The following SEM1 variants were observed in gnomAD, a reference collection of about 807,000 sequenced individuals.
SEM1 encodes the protein 26S proteasome complex subunit SEM1.
Under a neutral mutation model 12.7 loss-of-function variants are expected in SEM1, and 3 were observed. That is an observed-to-expected ratio of 0.24 (90% CI 0.11 to 0.61). The LOEUF is 0.61. Among genes scored for constraint, SEM1 ranks in the 20% least tolerant of loss-of-function variants. The probability of loss-of-function intolerance (pLI) is 0.88; values close to 1 mark genes in which losing one functional copy is unlikely to be tolerated. For missense variants in SEM1, 59 were observed against 81.3 expected, an observed-to-expected ratio of 0.73 and a Z score of 1.06; for synonymous variants, 30 against 27.8, an observed-to-expected ratio of 1.08 and a Z score of -0.25.
chr7:96,627,375 TTTC>T (rs1808105574), intron 2 of SEM1, among the ~76,000 whole-genome samples: 2 of 152,082 alleles, frequency 1.3e-5, no homozygotes, highest in South Asian at 2.1e-4. Context: ...ATTTGAAGTT[TTTC>T]TTCTTCTTTG....
chr7:96,582,123 C>T (rs1357922166), intron 2 of SEM1, among the ~76,000 whole-genome samples: 11 of 150,478 alleles, frequency 7.3e-5, no homozygotes, highest in Non-Finnish European at 1.2e-4. Flanking sequence ...ATAGATAGCT[C>T]TTATTATTTT....
chr7:96,695,817 C>T (rs1790077456), intron 1 of SEM1: 2 of 151,804 alleles, frequency 1.3e-5, no homozygotes, highest in South Asian at 2.1e-4. Context: ...TTAAGTAGGT[C>T]GCTTCCATCT....
chr7:96,490,040 G>C (rs181192348), intron 1 of SEM1, among the ~76,000 whole-genome samples: 7 of 152,144 alleles, frequency 4.6e-5, no homozygotes, highest in African/African-American at 1.7e-4. Context: ...ACGGAACCCT[G>C]ACTTGACTAT....
At chr7:96,524,051 C>T (rs1270500989) in intron 2 of SEM1, among the ~76,000 whole-genome samples, 2 of 152,192 alleles carry the variant, frequency 1.3e-5, no homozygotes, top group Non-Finnish European at 2.9e-5. Context: ...TCTGGTTAGC[C>T]TATTAAACAG....
chr7:96,542,823 C>T (rs936995200), intron 2 of SEM1, among the ~76,000 whole-genome samples: 1 of 151,662 alleles, frequency 6.6e-6, no homozygotes, highest in Non-Finnish European at 1.5e-5. Flanking sequence ...TTCATAAACT[C>T]AAATATCCTT....
rs779758907 is a variant in SEM1 at position 96,613,555 on chromosome 7, C to T, written c.170+81243G>A. On this transcript the variant is annotated intron_variant and NMD_transcript_variant, in intron 2 of 3. Transcript: ENST00000466986. ...CATTTCTTTGTGGTAATACTATTTACAATCCTTGCTTTTAGCTATTTTAAA... is the reference window on the plus strand; with the variant it reads ...CATTTCTTTGTGGTAATACTATTTATAATCCTTGCTTTTAGCTATTTTAAA... Among the ~76,000 whole-genome samples, 16 of 152,218 alleles carry T rather than the reference C, an allele frequency of 1.1e-4. No individual in the cohort carries two copies. The South Asian group carries it at 1.9e-3, about 18-fold the overall frequency.
At chr7:96,673,983 A>G (rs1789389136) in intron 2 of SEM1, 3 of 634,710 alleles carry the variant, frequency 4.7e-6, no homozygotes, top group Non-Finnish European at 8.6e-6. Flanking sequence ...CCCCAGTCCC[A>G]TCCCCATCTC....
At chr7:96,617,050 G>A (rs905096841) in intron 2 of SEM1, among the ~76,000 whole-genome samples, 17 of 151,944 alleles carry the variant, frequency 1.1e-4, no homozygotes, top group Admixed American at 9.8e-4. Flanking sequence ...GGTTTCATAC[G>A]AATTTCAGGA....
At chr7:96,634,093 T>C (rs1808354550) in intron 2 of SEM1, among the ~76,000 whole-genome samples, 1 of 152,052 alleles carries the variant, frequency 6.6e-6, no homozygotes, top group Non-Finnish European at 1.5e-5. Context: ...AAATATAAAC[T>C]AGCTGACTTA....
chr7:96,517,268 T>A lies in SEM1; in HGVS notation c.171-10570A>T, dbSNP rs1011566945. On this transcript the variant is annotated intron_variant and NMD_transcript_variant, in intron 2 of 3. Transcript: ENST00000466986. ...GTGTAGATTCATCAGTTGTAACAAA[T>A]GTACCATTCTGGTGGGAGGATATTG... Among the ~76,000 whole-genome samples the A allele has an allele frequency of 2.6e-5, 4 of 151,760 alleles. No individual in the cohort carries two copies. The East Asian group carries it at 5.8e-4, about 22-fold the overall frequency.
intron 2 of SEM1, among the ~76,000 whole-genome samples, chr7:96,642,944 T>G (rs1808659827): frequency 6.6e-6 from 1 of 152,102 alleles, no homozygotes; most frequent in South Asian, 2.1e-4. Context: ...TTTTTTCATT[T>G]TTTAAAATTT....
intron 2 of SEM1, among the ~76,000 whole-genome samples, chr7:96,538,789 T>C (rs991012853): frequency 6.6e-6 from 1 of 151,786 alleles, no homozygotes; most frequent in Non-Finnish European, 1.5e-5. Flanking sequence ...TAGAGGAGAC[T>C]GGAATGGGAG....
chr7:96,657,072 T>C (rs1754498938), intron 2 of SEM1, among the ~76,000 whole-genome samples: 1 of 152,082 alleles, frequency 6.6e-6, no homozygotes, highest in Non-Finnish European at 1.5e-5. Flanking sequence ...AGACATAAAA[T>C]TTAAGTGGCA....
chr7:96,489,345 C>A (rs973607313), intron 1 of SEM1, among the ~76,000 whole-genome samples: 11 of 152,122 alleles, frequency 7.2e-5, no homozygotes, highest in African/African-American at 2.7e-4. Flanking sequence ...CTACGAATTG[C>A]TGGGCCCTAC....
At chr7:96,519,507 G>T (rs1428878966) in intron 2 of SEM1, among the ~76,000 whole-genome samples, 1 of 152,068 alleles carries the variant, frequency 6.6e-6, no homozygotes, top group Non-Finnish European at 1.5e-5. Flanking sequence ...GTGGGAGTGG[G>T]TGGGTTGAGA....
intron 2 of SEM1, among the ~76,000 whole-genome samples, chr7:96,536,922 T>G (rs1271330269): frequency 6.6e-6 from 1 of 151,824 alleles, no homozygotes; most frequent in Admixed American, 6.6e-5. Context: ...AAGTAACTAT[T>G]GGTACAGTTG....
chr7:96,481,660 C>G (rs1443651054), exon 4 of SEM1: 1 of 151,956 alleles, frequency 6.6e-6, no homozygotes, highest in Non-Finnish European at 1.5e-5. Flanking sequence ...TTAAAATATT[C>G]AAAATGATCT....
chr7:96,486,790 G>A (rs975254584), intron 1 of SEM1, among the ~76,000 whole-genome samples: 3 of 152,202 alleles, frequency 2.0e-5, no homozygotes, highest in Admixed American at 2.0e-4. Flanking sequence ...GGATGGGTGT[G>A]TAGTTGCAGA....
intron 2 of SEM1, among the ~76,000 whole-genome samples, chr7:96,564,215 AT>A (rs892921823): frequency 6.6e-6 from 1 of 151,944 alleles, no homozygotes; most frequent in African/African-American, 2.4e-5. Flanking sequence ...TCTTCTAAAA[AT>A]TTTTCTCATT....
Sources: allele counts gnomAD v4.1 joint callset (sites outside exome capture counted in the v4.1 genomes callset), GRCh38; gene constraint gnomAD v4.1.1; transcripts MANE v1.5; gene names NCBI Gene and HGNC (gene_info 2026-07-23, HGNC 2026-07-21).